The following PIP4K2A variants were observed in gnomAD, a reference collection of about 807,000 sequenced individuals.
PIP4K2A encodes the protein phosphatidylinositol-5-phosphate 4-kinase type 2 alpha, also known as phosphatidylinositol 5-phosphate 4-kinase type-2 alpha.
In PIP4K2A, 14 loss-of-function variants were observed where a neutral mutation model predicts 42.9. The ratio of observed to expected loss-of-function variants is 0.33; its 90% confidence interval spans 0.22 to 0.51. The LOEUF is 0.51. PIP4K2A is among the 20% of genes least tolerant of loss of function. The pLI is 0.97. For synonymous variants in PIP4K2A, 192 were observed against 192.2 expected, an observed-to-expected ratio of 1.00 and a Z score of 0.01; for missense variants, 434 against 519.8, an observed-to-expected ratio of 0.83 and a Z score of 1.61.
chr10:22,682,604 G>T (rs1839685068), intron 1 of PIP4K2A, among the ~76,000 whole-genome samples: 1 of 152,182 alleles, frequency 6.6e-6, no homozygotes, highest in Non-Finnish European at 1.5e-5. Context: ...CAAACCACAT[G>T]GTTGGTGCTC....
intron 5 of PIP4K2A, among the ~76,000 whole-genome samples, chr10:22,571,596 A>T (rs1274248258): frequency 1.3e-5 from 2 of 152,250 alleles, no homozygotes; most frequent in African/African-American, 4.8e-5. Flanking sequence ...CAATGCATGC[A>T]AACCAATCAA....
At chr10:22,661,008 TG>T (rs1398884511) in intron 1 of PIP4K2A, among the ~76,000 whole-genome samples, 7 of 152,176 alleles carry the variant, frequency 4.6e-5, no homozygotes, top group African/African-American at 1.7e-4. Flanking sequence ...GGAGAGCGGT[TG>T]TGTGTGTCTG....
intron 1 of PIP4K2A, among the ~76,000 whole-genome samples, chr10:22,666,503 A>G (rs1839355732): frequency 6.6e-6 from 1 of 152,218 alleles, no homozygotes; most frequent in South Asian, 2.1e-4. Flanking sequence ...CGATCCCAAA[A>G]GATATTATCA....
rs551502587 is a variant in PIP4K2A at position 22,612,472 on chromosome 10, T to C, written c.145-2755A>G. Among the ~76,000 whole-genome samples, 59 of 152,004 alleles carry C rather than the reference T, an allele frequency of 3.9e-4. 1 individual carries two copies. Among genetic ancestry groups the C allele is most frequent in the South Asian group, 1.5e-3 (7 of 4,808 alleles). ...CCTAGAGAGGAGGGGACACTGTTAATGGGAAAACAGTGCAGAAATAGACAA... is the reference window on the plus strand; with the variant it reads ...CCTAGAGAGGAGGGGACACTGTTAACGGGAAAACAGTGCAGAAATAGACAA... On this transcript the variant is annotated intron_variant, in intron 1 of 9. Coordinates refer to ENST00000376573, the MANE Select transcript of PIP4K2A (RefSeq NM_005028.5).
chr10:22,657,424 A>G (rs1839124231), intron 1 of PIP4K2A, among the ~76,000 whole-genome samples: 1 of 152,234 alleles, frequency 6.6e-6, no homozygotes, highest in Admixed American at 6.5e-5. Context: ...TTGTCTTTTC[A>G]AGGAACTTCT....
intron 6 of PIP4K2A, among the ~76,000 whole-genome samples, chr10:22,561,923 T>C (rs948735125): frequency 6.6e-6 from 1 of 152,174 alleles, no homozygotes; most frequent in African/African-American, 2.4e-5. Context: ...TATAGTTATA[T>C]ATAATAGCAA....
intron 1 of PIP4K2A, among the ~76,000 whole-genome samples, chr10:22,696,463 A>C (rs1434521138): frequency 6.6e-6 from 1 of 152,204 alleles, no homozygotes; most frequent in Non-Finnish European, 1.5e-5. Flanking sequence ...AAATGGGAAT[A>C]AATTTGTTTT....
rs559341723 is a variant in PIP4K2A, at chr10:22,557,483, C to T, written c.679-6711G>A. ...TTTGTTTGAAGTGGGAATTAACTCA[C>T]GTGTATGTGTACATATGTGCTTATT... On this transcript the variant is annotated intron_variant, in intron 6 of 9. Coordinates refer to ENST00000376573, the MANE Select transcript of PIP4K2A (RefSeq NM_005028.5). Among the ~76,000 whole-genome samples the T allele has an allele frequency of 2.5e-4, 38 of 152,262 alleles. 2 individuals are homozygous for T. The South Asian group carries it at 3.9e-3, about 16-fold the overall frequency.
intron 3 of PIP4K2A, among the ~76,000 whole-genome samples, chr10:22,602,403 A>AAAAAAGAAAAG (rs1337096604): frequency 1.3e-5 from 2 of 151,602 alleles, no homozygotes; most frequent in Non-Finnish European, 2.9e-5. Context: ...ATAAAAAAAA[A>AAAAAAGAAAAG]AAAAGAAAAG....
intron 1 of PIP4K2A, among the ~76,000 whole-genome samples, chr10:22,664,077 GTATATATATATACATATATATATATACA>G (rs1564459823): frequency 5.3e-5 from 2 of 37,764 alleles, no homozygotes; most frequent in Non-Finnish European, 9.0e-5. Flanking sequence ...ATATATATAC[GTATATATATATACATATATATATATACA>G]TATATATATA....
intron 1 of PIP4K2A, among the ~76,000 whole-genome samples, chr10:22,633,668 G>A (rs1013298321): frequency 2.6e-5 from 4 of 152,084 alleles, no homozygotes; most frequent in Admixed American, 6.6e-5. Context: ...CACCCGGACC[G>A]TCATTCCTTC....
Position 22,535,876 on chromosome 10 carries a change from A to G in PIP4K2A, c.*1325T>C. 1 of 326,682 alleles carries G rather than the reference A, an allele frequency of 3.1e-6. No homozygotes were observed. Among genetic ancestry groups the G allele is most frequent in the Non-Finnish European group, 5.1e-6 (1 of 194,798 alleles). The allele number at this position is 326,682 out of a possible 1,614,324, so 20.2% of individuals were successfully genotyped here. A position where few individuals can be genotyped will look rare whatever the true frequency, so the allele number is the denominator to read the frequency against. ...AAAAAATCAATCATTAGGTTGATAA[A>G]TGTACATTTGGAGGAAAAAAAAATC... On this transcript the variant is annotated 3_prime_UTR_variant, in exon 10 of 10. Transcript: ENST00000376573.
intron 1 of PIP4K2A, among the ~76,000 whole-genome samples, chr10:22,682,190 G>A (rs1358916073): frequency 6.6e-6 from 1 of 152,184 alleles, no homozygotes; most frequent in Non-Finnish European, 1.5e-5. Flanking sequence ...TCCCTGTGTA[G>A]AGAGCACACA....
rs372716022 is a variant in PIP4K2A, at chr10:22,649,215, T to C, written c.145-39498A>G. Among the ~76,000 whole-genome samples the C allele has an allele frequency of 1.4e-4, 22 of 152,248 alleles. No individual in the cohort carries two copies. The East Asian group carries it at 1.7e-3, about 12-fold the overall frequency. Reference sequence around the variant, plus strand: ...CCATCATACATTTATTCACCAGTTATCAAGCAACTTATGAATAATTTAACA... The same window carrying C: ...CCATCATACATTTATTCACCAGTTACCAAGCAACTTATGAATAATTTAACA... On this transcript the variant is annotated intron_variant, in intron 1 of 9. Coordinates refer to ENST00000376573, the MANE Select transcript of PIP4K2A (RefSeq NM_005028.5).
At chr10:22,664,090 C>CATATATATATATACATATATATATATGT (rs1839272906) in intron 1 of PIP4K2A, among the ~76,000 whole-genome samples, 1 of 64,046 alleles carries the variant, frequency 1.6e-5, no homozygotes, top group East Asian at 3.1e-4. Flanking sequence ...TATATATATA[C>CATATATATATATACATATATATATATGT]ATATATATAT....
At chr10:22,608,900 T>A (rs1217534043) in intron 2 of PIP4K2A, among the ~76,000 whole-genome samples, 1 of 150,218 alleles carries the variant, frequency 6.7e-6, no homozygotes, top group Non-Finnish European at 1.5e-5. Context: ...ATAATGATCC[T>A]CACATGGGAG....
intron 1 of PIP4K2A, among the ~76,000 whole-genome samples, chr10:22,653,942 A>G (rs540662068): frequency 6.6e-6 from 1 of 152,302 alleles, no homozygotes; most frequent in South Asian, 2.1e-4. Context: ...AGAACTGGCA[A>G]TCTGCAGATC....
At chr10:22,667,744 G>A (rs1056621801) in intron 1 of PIP4K2A, among the ~76,000 whole-genome samples, 4 of 151,896 alleles carry the variant, frequency 2.6e-5, no homozygotes, top group African/African-American at 9.7e-5. Context: ...GTAAAAAGAG[G>A]ATTTTGAAAA....
chr10:22,714,556 G>A lies in PIP4K2A; in HGVS notation c.-230C>T, dbSNP rs1338398240. The stretch of plus-strand genomic sequence containing the variant: ...CCGGCCCGTATCCTGCGCCCGCCGC[G>A]GATCCGCGCTCAGCCCGCGGCTGGA... On this transcript the variant is annotated 5_prime_UTR_variant, in exon 1 of 10. Transcript: ENST00000376573. 1 of 147,836 alleles carries A rather than the reference G, an allele frequency of 6.8e-6. No individual in the cohort carries two copies. The highest frequency in any genetic ancestry group is 6.8e-5 in the Admixed American group (1 of 14,742). 9.2% of individuals were successfully genotyped at this position (147,836 alleles called of 1,614,324 possible). A position where few individuals can be genotyped will look rare whatever the true frequency, so the allele number is the denominator to read the frequency against.
Sources: gnomAD v4.1 joint callset for allele counts (sites outside exome capture counted in the v4.1 genomes callset) on GRCh38, gnomAD v4.1.1 for gene constraint, MANE v1.5 for transcripts, NCBI Gene and HGNC (gene_info 2026-07-23, HGNC 2026-07-21) for gene names.